The following ST8SIA4 variants were observed in gnomAD, a reference collection of about 807,000 sequenced individuals.
The protein encoded by ST8SIA4 is CMP-N-acetylneuraminate-poly-alpha-2,8-sialyltransferase.
Under a neutral mutation model 33.9 loss-of-function variants are expected in ST8SIA4, and 15 were observed. The ratio of observed to expected loss-of-function variants is 0.44; its 90% CI spans 0.30 to 0.68. ST8SIA4 has a LOEUF of 0.68. Ranked by LOEUF, ST8SIA4 falls within the 30% of genes least tolerant of loss-of-function variation. The probability of loss-of-function intolerance (pLI) is 0.10; values close to 1 mark genes in which losing one functional copy is unlikely to be tolerated. For missense variants in ST8SIA4, 321 were observed against 428.0 expected, an observed-to-expected ratio of 0.75 and a Z score of 2.21; for synonymous variants, 171 against 151.2, an observed-to-expected ratio of 1.13 and a Z score of -0.96.
rs1345534171 is a variant in ST8SIA4 at position 100,810,881 on chromosome 5, T to G, written c.*966A>C. 1 of 152,616 alleles carries G rather than the reference T, an allele frequency of 6.6e-6. No homozygotes were observed. Among genetic ancestry groups the G allele is most frequent in the Non-Finnish European group, 1.5e-5 (1 of 68,096 alleles). The allele number at this position is 152,616 out of a possible 1,614,324, so 9.5% of individuals were successfully genotyped here. ...GGTTTAGAGCCGTGCAAAATAAAAC[T>G]TTTTTAAAAATGTCGGCCAGGCACG... On this transcript the variant is annotated 3_prime_UTR_variant, in exon 5 of 5. Coordinates refer to ENST00000231461, the MANE Select transcript of ST8SIA4 (RefSeq NM_005668.6).
In ST8SIA4 at chr5:100,822,559, C is replaced by T. The variant is rs528600231; in HGVS notation, c.798-10430G>A. On this transcript the variant is annotated intron_variant, in intron 4 of 4. Coordinates refer to ENST00000231461, the MANE Select transcript of ST8SIA4 (RefSeq NM_005668.6). The stretch of plus-strand genomic sequence containing the variant: ...GAATGCTAAAAGAATTGAATGATAA[C>T]GTACAAATAATAGTTCACTGTAAAT... 1.2e-3 allele frequency among the ~76,000 whole-genome samples: 186 copies of T among 152,142 alleles called. 1 individual carries two copies. Among genetic ancestry groups the T allele is most frequent in the African/African-American group, 2.6e-3 (107 of 41,514 alleles).
chr5:100,825,575 A>G (rs1751123402), intron 4 of ST8SIA4, among the ~76,000 whole-genome samples: 1 of 152,198 alleles, frequency 6.6e-6, no homozygotes, highest in African/African-American at 2.4e-5. Flanking sequence ...AAAGCGAAGG[A>G]TACTCAGTTT....
At chr5:100,826,302 T>C (rs1751143169) in intron 4 of ST8SIA4, among the ~76,000 whole-genome samples, 1 of 152,198 alleles carries the variant, frequency 6.6e-6, no homozygotes, top group Non-Finnish European at 1.5e-5. Flanking sequence ...AAAACATTGC[T>C]CCTTTTCAAA....
At chr5:100,895,418 G>A (rs954010440) in intron 2 of ST8SIA4, among the ~76,000 whole-genome samples, 2 of 151,988 alleles carry the variant, frequency 1.3e-5, no homozygotes, top group African/African-American at 2.4e-5. Flanking sequence ...TATTCCATTA[G>A]TATAAAGACA....
rs998429427 is a variant in ST8SIA4, at chr5:100,820,338, T to C, written c.798-8209A>G. Among the ~76,000 whole-genome samples the C allele has an allele frequency of 2.6e-5, 4 of 152,142 alleles. No homozygotes were observed. In the East Asian group the frequency reaches 7.7e-4, roughly 29 times the overall value. ...TTTCTCTTCAATCGCATTATAGAGC[T>C]ATTTGGTAAGATCATCCCTACTGAA... On this transcript the variant is annotated intron_variant, in intron 4 of 4. Coordinates refer to ENST00000231461, the MANE Select transcript of ST8SIA4 (RefSeq NM_005668.6).
intron 4 of ST8SIA4, among the ~76,000 whole-genome samples, chr5:100,828,123 C>A (rs1016867170): frequency 6.6e-6 from 1 of 152,140 alleles, no homozygotes; most frequent in Non-Finnish European, 1.5e-5. Context: ...AACATGAGTC[C>A]ACTACCATTC....
intron 3 of ST8SIA4, among the ~76,000 whole-genome samples, chr5:100,872,283 T>C: frequency 6.6e-6 from 1 of 152,090 alleles, no homozygotes; most frequent in Non-Finnish European, 1.5e-5. Context: ...AATGATCAAA[T>C]CAAGGTAATT....
intron 3 of ST8SIA4, among the ~76,000 whole-genome samples, chr5:100,876,220 A>G (rs952222834): frequency 1.3e-5 from 2 of 152,140 alleles, no homozygotes; most frequent in African/African-American, 4.8e-5. Context: ...AGAATCTCAT[A>G]GGGGAAAATC....
intron 4 of ST8SIA4, among the ~76,000 whole-genome samples, chr5:100,827,757 T>C (rs1429706543): frequency 6.6e-6 from 1 of 152,224 alleles, no homozygotes; most frequent in African/African-American, 2.4e-5. Flanking sequence ...CGTGTGGTCA[T>C]AGGCAACTCT....
intron 3 of ST8SIA4, among the ~76,000 whole-genome samples, chr5:100,871,847 C>T (rs532663922): frequency 6.6e-6 from 1 of 152,178 alleles, no homozygotes; most frequent in South Asian, 2.1e-4. Context: ...ATTGACCTCA[C>T]TGAACAGTGA....
intron 3 of ST8SIA4, among the ~76,000 whole-genome samples, chr5:100,882,787 G>A (rs896352097): frequency 2.6e-5 from 4 of 152,358 alleles, no homozygotes; most frequent in Non-Finnish European, 4.4e-5. Flanking sequence ...GTGTAAGCCC[G>A]AAGCCTTTGC....
intron 4 of ST8SIA4, among the ~76,000 whole-genome samples, chr5:100,843,128 T>C (rs953228800): frequency 2.0e-5 from 3 of 151,996 alleles, no homozygotes; most frequent in East Asian, 1.9e-4. Flanking sequence ...CTAATTACTT[T>C]ATTATATCAT....
Position 100,838,610 on chromosome 5 carries a change from G to GA in ST8SIA4, c.797+17492dup, listed in dbSNP as rs918400179. ...AACTGATTAAATTTGGAGCACTAGA[G>GA]AAAAAAAAACCTGTTAAATTAAATA... On this transcript the variant is annotated intron_variant, in intron 4 of 4. Coordinates refer to ENST00000231461, the MANE Select transcript of ST8SIA4 (RefSeq NM_005668.6). 1.1e-4 allele frequency among the ~76,000 whole-genome samples: 16 copies of GA among 147,586 alleles called. 1 individual carries two copies. In the South Asian group the frequency reaches 1.5e-3, roughly 14 times the overall value.
chr5:100,841,006 T>C (rs972371231), intron 4 of ST8SIA4, among the ~76,000 whole-genome samples: 1 of 151,796 alleles, frequency 6.6e-6, no homozygotes, highest in Non-Finnish European at 1.5e-5. Context: ...TTATTTCCTG[T>C]GCACACCAAG....
rs1750822784 is a variant in ST8SIA4 at position 100,811,848 on chromosome 5, T to C, written c.1079A>G (p.Ter360=). 2 of 1,602,442 alleles carry C rather than the reference T, an allele frequency of 1.2e-6. No homozygotes were observed. Among genetic ancestry groups the C allele is most frequent in the Non-Finnish European group, 1.7e-6 (2 of 1,174,120 alleles). The change falls in exon 5 of 5, where the codon TAA becomes TGA. Residue 360 remains the stop codon, a stop_retained_variant. Transcript: ENST00000231461. The part of the protein sequence containing the change: ...KLTTGKCVKQ[*] ...ATATTGTTTGTTTCAAAATGTGCTTTATTGCTTTACACACTTTCCTGTTGT... is the reference window on the plus strand; with the variant it reads ...ATATTGTTTGTTTCAAAATGTGCTTCATTGCTTTACACACTTTCCTGTTGT...
chr5:100,856,436 G>A (rs1442172919), intron 3 of ST8SIA4, 40 bp from the exon 4 acceptor site: 1 of 1,529,998 alleles, frequency 6.5e-7, no homozygotes, highest in Non-Finnish European at 8.9e-7. Flanking sequence ...GAAAAAAAAA[G>A]AAATATTCAC....
intron 3 of ST8SIA4, among the ~76,000 whole-genome samples, chr5:100,870,815 CAT>C (rs1375506195): frequency 1.3e-5 from 2 of 151,926 alleles, no homozygotes; most frequent in Non-Finnish European, 1.5e-5. Flanking sequence ...CTACATATAA[CAT>C]AAATTTTGCA....
Position 100,876,816 on chromosome 5 carries a change from G to A in ST8SIA4, c.503+9527C>T, listed in dbSNP as rs143365631. Among the ~76,000 whole-genome samples the A allele has an allele frequency of 4.4e-4, 67 of 151,856 alleles. No homozygotes were observed. The East Asian group carries it at 7.9e-3, about 18-fold the overall frequency. On this transcript the variant is annotated intron_variant, in intron 3 of 4. Coordinates refer to ENST00000231461, the MANE Select transcript of ST8SIA4 (RefSeq NM_005668.6). ...AAATCAGTTTGATATTGAGTCACTC[G>A]GTAGGAAATGAAAATTGAGCTTTAA...
chr5:100,877,777 TTG>T (rs1227348093), intron 3 of ST8SIA4, among the ~76,000 whole-genome samples: 3 of 152,164 alleles, frequency 2.0e-5, no homozygotes, highest in African/African-American at 7.2e-5. Flanking sequence ...ATTATCAAAA[TTG>T]TCTTTGATTT....
Sources: allele counts gnomAD v4.1 joint callset (sites outside exome capture counted in the v4.1 genomes callset), GRCh38; gene constraint gnomAD v4.1.1; transcripts MANE v1.5; gene names NCBI Gene and HGNC (gene_info 2026-07-23, HGNC 2026-07-21).